Variants in PCLO observed in about 807,000 individuals in gnomAD.
PCLO encodes piccolo presynaptic cytomatrix protein.
A neutral mutation model predicts 427.5 loss-of-function variants in PCLO; 82 were observed. That is an observed-to-expected ratio of 0.19 (90% CI 0.16 to 0.23). The LOEUF is 0.23. Among genes scored for constraint, PCLO ranks in the 10% least tolerant of loss-of-function variants. The pLI, the probability that PCLO is intolerant of heterozygous loss-of-function variation, is 1.00. For missense variants in PCLO, 6,239 were observed against 6,115.9 expected (o/e 1.02, Z -0.67); for synonymous variants, 2,357 against 2,155.4 (o/e 1.09, Z -2.59).
At chr7:82,983,702 T>A (rs530440371) in intron 3 of PCLO, among the ~76,000 whole-genome samples, 1 of 151,528 alleles carries the variant, frequency 6.6e-6, no homozygotes, top group African/African-American at 2.4e-5. Flanking sequence ...GGGAATGAAG[T>A]CTTGGACAAG....
intron 3 of PCLO, among the ~76,000 whole-genome samples, chr7:83,050,326 G>A (rs1472395323): frequency 3.9e-5 from 5 of 127,574 alleles, no homozygotes; most frequent in Admixed American, 2.5e-4. Flanking sequence ...AAACCAATTA[G>A]AATATTATCT....
intron 22 of PCLO, among the ~76,000 whole-genome samples, chr7:82,762,330 A>T (rs569718602): frequency 1.3e-5 from 2 of 152,222 alleles, no homozygotes; most frequent in East Asian, 3.9e-4. Flanking sequence ...GAGAGAAGGA[A>T]CAGTGTGTTC....
chr7:82,927,161 C>T (rs1250237413), intron 6 of PCLO, among the ~76,000 whole-genome samples: 1 of 152,122 alleles, frequency 6.6e-6, no homozygotes, highest in African/African-American at 2.4e-5. Context: ...CTTTCGGATA[C>T]TCATTTTTGT....
At chr7:83,046,296 C>A (rs867929058) in intron 3 of PCLO, among the ~76,000 whole-genome samples, 1 of 152,054 alleles carries the variant, frequency 6.6e-6, no homozygotes, top group Non-Finnish European at 1.5e-5. Flanking sequence ...AAATGTCTAA[C>A]TATACCATTT....
chr7:82,951,944 T>A lies in PCLO; in HGVS notation c.9009A>T (p.Gly3003=), dbSNP rs761190674. ...CATTCTTACTTTTATAGAAAAAATG[T>A]CCAGCTTCTGCTAAATTTGTGTCAG... The part of the protein sequence containing the change: ...SMSDTNLAEA[G]HFFYKSKNAF... The change falls in exon 5 of 25, where the codon GGA becomes GGT. Residue 3003 remains glycine (G), a synonymous_variant. Transcript: ENST00000333891. The A allele has an allele frequency of 1.4e-5, 22 of 1,613,902 alleles. No individual in the cohort carries two copies. The South Asian group carries it at 2.4e-4, about 18-fold the overall frequency.
chr7:83,112,348 G>A (rs1038255481), intron 3 of PCLO, among the ~76,000 whole-genome samples: 1 of 152,090 alleles, frequency 6.6e-6, no homozygotes, highest in Admixed American at 6.6e-5. Flanking sequence ...GAGCCACTGC[G>A]CCTGGCCTGA....
At chr7:82,879,899 G>A (rs1364069574) in intron 9 of PCLO, 1 of 429,344 alleles carries the variant, frequency 2.3e-6, no homozygotes, top group Non-Finnish European at 4.6e-6. Context: ...AATTTATAAA[G>A]TGAAAACATG....
chr7:82,945,955 A>G (rs1463801340), intron 6 of PCLO, among the ~76,000 whole-genome samples: 1 of 152,208 alleles, frequency 6.6e-6, no homozygotes, highest in Admixed American at 6.5e-5. Flanking sequence ...TAATAAAAGG[A>G]TAAGAACTAT....
rs770358879 is a variant in PCLO, at chr7:82,949,846, A to T, written c.10742T>A (p.Leu3581Gln). The T allele has an allele frequency of 6.2e-7, 1 of 1,613,712 alleles. No homozygotes were observed. ...ADSDTQSPQY[L>Q]SATSPPKDKK... ...GTCTTTGGGTGGAGATGTGGCACTC[A>T]GATATTGAGGACTTTGTGTGTCTGA... Residue 3581 changes from leucine (L) to glutamine (Q), a missense_variant, in exon 6 of 25, where the codon CTG becomes CAG. Around this residue, in one of 5 missense-constraint regions of PCLO, gnomAD observed 4,677 missense variants for 4,468.4 expected, o/e 1.05. Transcript: ENST00000333891.
intron 6 of PCLO, among the ~76,000 whole-genome samples, chr7:82,938,633 A>C (rs1249731710): frequency 6.6e-6 from 1 of 152,002 alleles, no homozygotes; most frequent in Non-Finnish European, 1.5e-5. Context: ...CATTTACTTA[A>C]AGACTATTAC....
intron 16 of PCLO, among the ~76,000 whole-genome samples, chr7:82,828,507 TAATTA>T (rs1004035125): frequency 1.1e-4 from 16 of 152,158 alleles, no homozygotes; most frequent in African/African-American, 3.9e-4. Context: ...AAAGCAATTT[TAATTA>T]AATATAAATT....
At chr7:82,927,562 C>A (rs1794741167) in intron 6 of PCLO, among the ~76,000 whole-genome samples, 1 of 152,106 alleles carries the variant, frequency 6.6e-6, no homozygotes, top group African/African-American at 2.4e-5. Flanking sequence ...GGTTTCTTTA[C>A]TGATGATTAT....
rs764773229 is a variant in PCLO, at chr7:82,954,492, T to G, written c.6461A>C (p.Gln2154Pro). Residue 2154 changes from glutamine (Q) to proline (P), a missense_variant, in exon 5 of 25, where the codon CAA (glutamine) becomes CCA (proline). Around this residue, in one of 5 missense-constraint regions of PCLO, gnomAD observed 4,677 missense variants for 4,468.4 expected, o/e 1.05. Coordinates refer to ENST00000333891, the MANE Select transcript of PCLO (RefSeq NM_033026.6). ...EYVTDYTREI[Q>P]EIIAHESLIL... ...CAGCGATTCATGGGCAATTATCTCT[T>G]GAATTTCTCTTGTATAATCGGTTAC... The G allele has an allele frequency of 1.5e-5, 24 of 1,613,994 alleles. No individual in the cohort carries two copies. Among genetic ancestry groups the G allele is most frequent in the East Asian group, 2.2e-5 (1 of 44,884 alleles).
chr7:83,087,337 T>A (rs554029838), intron 3 of PCLO, among the ~76,000 whole-genome samples: 1 of 152,094 alleles, frequency 6.6e-6, no homozygotes, highest in East Asian at 1.9e-4. Flanking sequence ...GATTAAAAAC[T>A]GCATATGGGT....
intron 20 of PCLO, among the ~76,000 whole-genome samples, chr7:82,814,720 T>C (rs1189589557): frequency 2.0e-5 from 3 of 151,918 alleles, no homozygotes; most frequent in South Asian, 4.1e-4. Context: ...TGACACCTTA[T>C]GTAGCTGCTG....
chr7:82,786,919 C>T (rs1481829126), intron 22 of PCLO, among the ~76,000 whole-genome samples: 3 of 152,138 alleles, frequency 2.0e-5, no homozygotes, highest in Non-Finnish European at 4.4e-5. Context: ...AGGACATGAA[C>T]TCATCCTTTT....
chr7:83,135,085 G>C lies in PCLO; in HGVS notation c.2465C>G (p.Pro822Arg). Residue 822 changes from proline to arginine, a missense_variant, in exon 3 of 25, where the codon CCT (proline) becomes CGT (arginine). This residue lies in a region of PCLO where 4,677 missense variants were observed against 4,468.4 expected (regional missense o/e 1.05). Coordinates refer to ENST00000333891, the MANE Select transcript of PCLO (RefSeq NM_033026.6). ...KVSPFDSKAI[P>R]RPASDSKIIS... ...AATTTTTGAATCTGATGCAGGTCGAGGTATGGCTTTAGAATCAAATGGGCT... is the reference window on the plus strand; with the variant it reads ...AATTTTTGAATCTGATGCAGGTCGACGTATGGCTTTAGAATCAAATGGGCT... 1 of 1,613,920 alleles carries C rather than the reference G, an allele frequency of 6.2e-7. No individual in the cohort carries two copies. Among genetic ancestry groups the C allele is most frequent in the Non-Finnish European group, 8.5e-7 (1 of 1,179,852 alleles).
chr7:83,003,770 T>C (rs377699213), intron 3 of PCLO, among the ~76,000 whole-genome samples: 6 of 151,838 alleles, frequency 4.0e-5, no homozygotes, highest in Non-Finnish European at 5.9e-5. Context: ...GATTTTTGCA[T>C]CTATGTTCAC....
At position 83,135,161 on chromosome 7, in the gene PCLO, T is replaced by C. The variant is rs757059365; in HGVS notation, c.2389A>G (p.Thr797Ala). Residue 797 changes from threonine to alanine, a missense_variant, in exon 3 of 25, where the codon ACA becomes GCA. Around this residue, in one of 5 missense-constraint regions of PCLO, gnomAD observed 4,677 missense variants for 4,468.4 expected, o/e 1.05. Transcript: ENST00000333891. ...AEEKTTPPLKTDSAKPSQSFP... is the reference protein window; with the variant it reads ...AEEKTTPPLKADSAKPSQSFP... ...CTCTGTGAGGGTTTGGCAGAGTCTGTTTTTAGAGGAGGGGTTGTTTTCTCT... is the reference window on the plus strand; with the variant it reads ...CTCTGTGAGGGTTTGGCAGAGTCTGCTTTTAGAGGAGGGGTTGTTTTCTCT... 1.1e-5 allele frequency: 17 copies of C among 1,613,658 alleles called. No individual in the cohort carries two copies. Among genetic ancestry groups the C allele is most frequent in the Non-Finnish European group, 1.4e-5 (16 of 1,179,846 alleles).
Sources: allele counts gnomAD v4.1 joint callset (sites outside exome capture counted in the v4.1 genomes callset), GRCh38; gene constraint gnomAD v4.1.1; regional missense constraint gnomAD v4.1.1; transcripts MANE v1.5; gene names NCBI Gene and HGNC (gene_info 2026-07-23, HGNC 2026-07-21).